The following ZDHHC14 variants were observed in gnomAD, a reference collection of about 807,000 sequenced individuals.
ZDHHC14 encodes zDHHC palmitoyltransferase 14.
Under a neutral mutation model 47.7 loss-of-function variants are expected in ZDHHC14, and 16 were observed. The ratio of observed to expected loss-of-function variants is 0.34; its 90% CI spans 0.23 to 0.51. The LOEUF is 0.51. ZDHHC14 is among the 20% of genes least tolerant of loss of function. The pLI is 0.97. For missense variants in ZDHHC14, 515 were observed against 662.5 expected (o/e 0.78, Z 2.44); for synonymous variants, 293 against 278.9 (o/e 1.05, Z -0.50).
At chr6:157,419,798 G>A (rs762779204) in intron 1 of ZDHHC14, among the ~76,000 whole-genome samples, 1 of 152,194 alleles carries the variant, frequency 6.6e-6, no homozygotes, top group Non-Finnish European at 1.5e-5. Flanking sequence ...GTGGACATAA[G>A]TTTTCAGGGG....
At chr6:157,594,158 A>G (rs548014599) in intron 3 of ZDHHC14, among the ~76,000 whole-genome samples, 82 of 152,306 alleles carry the variant, frequency 5.4e-4, no homozygotes, top group African/African-American at 1.9e-3. Flanking sequence ...TCTTGAGAAA[A>G]ATAACATTTT....
intron 1 of ZDHHC14, among the ~76,000 whole-genome samples, chr6:157,414,326 A>G (rs1777931161): frequency 6.6e-6 from 1 of 152,208 alleles, no homozygotes; most frequent in Non-Finnish European, 1.5e-5. Flanking sequence ...TCTCTGAAAG[A>G]TGCCGATGGC....
intron 5 of ZDHHC14, among the ~76,000 whole-genome samples, chr6:157,638,883 G>C (rs906523271): frequency 6.6e-6 from 1 of 152,242 alleles, no homozygotes; most frequent in Admixed American, 6.5e-5. Flanking sequence ...GTGGGTTCTA[G>C]TGGGGGACAT....
Position 157,473,030 on chromosome 6 carries a change from T to G in ZDHHC14, c.246-69555T>G, listed in dbSNP as rs534971510. ...AATCTGTGATTCATTTTAAGAGTAGTAGTCACATTTTAATGAACAAAACTG... is the reference window on the plus strand; with the variant it reads ...AATCTGTGATTCATTTTAAGAGTAGGAGTCACATTTTAATGAACAAAACTG... On this transcript the variant is annotated intron_variant, in intron 1 of 8. Transcript: ENST00000359775. Among the ~76,000 whole-genome samples the G allele has an allele frequency of 2.0e-5, 3 of 152,330 alleles. No homozygotes were observed. The South Asian group carries it at 6.2e-4, about 32-fold the overall frequency.
intron 8 of ZDHHC14, among the ~76,000 whole-genome samples, chr6:157,663,843 C>T (rs529820719): frequency 6.6e-6 from 1 of 152,298 alleles, no homozygotes; most frequent in East Asian, 1.9e-4. Flanking sequence ...CTTCCACGTA[C>T]ATAACTTCTG....
At chr6:157,626,254 A>G (rs1034062142) in intron 3 of ZDHHC14, among the ~76,000 whole-genome samples, 1 of 152,104 alleles carries the variant, frequency 6.6e-6, no homozygotes, top group Non-Finnish European at 1.5e-5. Flanking sequence ...GCTTTCCTAG[A>G]GTGAATAGGA....
At chr6:157,409,841 G>T (rs187983245) in intron 1 of ZDHHC14, among the ~76,000 whole-genome samples, 33 of 150,096 alleles carry the variant, frequency 2.2e-4, no homozygotes, top group South Asian at 1.1e-3. Context: ...TTATTTTTTG[G>T]GGGGGGGGAC....
intron 1 of ZDHHC14, among the ~76,000 whole-genome samples, chr6:157,507,736 G>T (rs1322727151): frequency 6.6e-6 from 1 of 152,126 alleles, no homozygotes; most frequent in Non-Finnish European, 1.5e-5. Context: ...TCGCTCCAGA[G>T]TCTCCCGTCA....
intron 5 of ZDHHC14, among the ~76,000 whole-genome samples, chr6:157,636,751 C>T (rs541097308): frequency 2.0e-5 from 3 of 152,220 alleles, no homozygotes; most frequent in Non-Finnish European, 2.9e-5. Flanking sequence ...GTGGGCAGCA[C>T]CCTAGCCTGG....
chr6:157,464,872 G>A (rs1251757713), intron 1 of ZDHHC14, among the ~76,000 whole-genome samples: 1 of 152,186 alleles, frequency 6.6e-6, no homozygotes, highest in African/African-American at 2.4e-5. Flanking sequence ...GTACGTAGCT[G>A]TGACCAGAGC....
chr6:157,667,122 G>C (rs1332983250), intron 8 of ZDHHC14, among the ~76,000 whole-genome samples: 2 of 152,138 alleles, frequency 1.3e-5, no homozygotes, highest in African/African-American at 4.8e-5. Flanking sequence ...CCTAATATTT[G>C]ATACATATGA....
intron 1 of ZDHHC14, among the ~76,000 whole-genome samples, chr6:157,439,017 G>A (rs1339584931): frequency 6.6e-6 from 1 of 152,130 alleles, no homozygotes; most frequent in Non-Finnish European, 1.5e-5. Flanking sequence ...CCAACAAAGA[G>A]TTTTTCTGGC....
intron 5 of ZDHHC14, among the ~76,000 whole-genome samples, chr6:157,642,195 T>C (rs535010207): frequency 6.6e-6 from 1 of 152,332 alleles, no homozygotes; most frequent in African/African-American, 2.4e-5. Flanking sequence ...ATTCTGGACA[T>C]GTAACATATG....
intron 8 of ZDHHC14, among the ~76,000 whole-genome samples, chr6:157,669,774 C>T (rs976289180): frequency 4.6e-5 from 7 of 152,188 alleles, no homozygotes; most frequent in African/African-American, 1.7e-4. Context: ...CCAGCAAGGG[C>T]GCTGGCTTGC....
intron 1 of ZDHHC14, among the ~76,000 whole-genome samples, chr6:157,444,611 G>C (rs1778622920): frequency 6.6e-6 from 1 of 151,704 alleles, no homozygotes; most frequent in South Asian, 2.1e-4. Context: ...CCAGGAGGTG[G>C]AAGTTGCAGT....
intron 1 of ZDHHC14, among the ~76,000 whole-genome samples, chr6:157,529,589 A>G (rs757255692): frequency 1.4e-4 from 21 of 152,182 alleles, no homozygotes; most frequent in Admixed American, 2.0e-4. Flanking sequence ...CAATCCATCA[A>G]TGAGCGACTT....
rs79718500 is a variant in ZDHHC14 at position 157,651,513 on chromosome 6, A to T, written c.966-2012A>T. On this transcript the variant is annotated intron_variant, in intron 7 of 8. Coordinates refer to ENST00000359775, the MANE Select transcript of ZDHHC14 (RefSeq NM_024630.3). ...TGCAAGTAAGGTCACACTCGCAGGTACCAGGTTAAGACTTCATATCTTTCT... is the reference window on the plus strand; with the variant it reads ...TGCAAGTAAGGTCACACTCGCAGGTTCCAGGTTAAGACTTCATATCTTTCT... Among the ~76,000 whole-genome samples the T allele has an allele frequency of 4.7e-3, 715 of 152,224 alleles. 11 individuals carry two copies. Among genetic ancestry groups the T allele is most frequent in the African/African-American group, 0.016 (660 of 41,528 alleles).
At chr6:157,443,785 T>C (rs1778605381) in intron 1 of ZDHHC14, among the ~76,000 whole-genome samples, 2 of 152,220 alleles carry the variant, frequency 1.3e-5, no homozygotes. Flanking sequence ...CAGTTCTGCC[T>C]CTTACTAGCT....
chr6:157,536,719 A>G (rs1025478285), intron 1 of ZDHHC14, among the ~76,000 whole-genome samples: 4 of 152,102 alleles, frequency 2.6e-5, no homozygotes, highest in Non-Finnish European at 5.9e-5. Flanking sequence ...AATTAATGAC[A>G]GTATTGATTC....
Sources: gnomAD v4.1 joint callset for allele counts (sites outside exome capture counted in the v4.1 genomes callset) on GRCh38, gnomAD v4.1.1 for gene constraint, MANE v1.5 for transcripts, NCBI Gene and HGNC (gene_info 2026-07-23, HGNC 2026-07-21) for gene names.